The following GRIA1 variants were observed in gnomAD, a reference collection of about 807,000 sequenced individuals.
GRIA1 encodes glutamate receptor 1.
In GRIA1, 31 loss-of-function variants were observed where a neutral mutation model predicts 99.2. The ratio of observed to expected loss-of-function variants is 0.31; its 90% CI spans 0.23 to 0.42. The LOEUF is 0.42. GRIA1 is among the 10% of genes least tolerant of loss of function. The pLI is 1.00. For missense variants in GRIA1, 782 were observed against 1,157.5 expected, an observed-to-expected ratio of 0.68 and a Z score of 4.71; for synonymous variants, 438 against 432.4, an observed-to-expected ratio of 1.01 and a Z score of -0.16.
At chr5:153,691,831 G>T (rs1250102117) in intron 8 of GRIA1, among the ~76,000 whole-genome samples, 14 of 152,022 alleles carry the variant, frequency 9.2e-5, no homozygotes. Flanking sequence ...CTATGTTCTT[G>T]CCCCTCTACA....
intron 11 of GRIA1, among the ~76,000 whole-genome samples, chr5:153,726,163 G>C (rs1380584780): frequency 6.6e-6 from 1 of 151,724 alleles, no homozygotes; most frequent in African/African-American, 2.4e-5. Context: ...CAAAATGAAG[G>C]CAGAAATAAA....
At chr5:153,497,243 G>C (rs1443525228) in intron 2 of GRIA1, among the ~76,000 whole-genome samples, 1 of 152,164 alleles carries the variant, frequency 6.6e-6, no homozygotes, top group Non-Finnish European at 1.5e-5. Context: ...TACAGGGGTA[G>C]AGTTTGGGGA....
intron 2 of GRIA1, among the ~76,000 whole-genome samples, chr5:153,531,924 T>C (rs1758130143): frequency 6.6e-6 from 1 of 152,088 alleles, no homozygotes; most frequent in South Asian, 2.1e-4. Context: ...TGGGGTCAGG[T>C]AGTGAGTAAG....
intron 14 of GRIA1, among the ~76,000 whole-genome samples, chr5:153,799,452 G>A (rs918188196): frequency 6.6e-6 from 1 of 152,202 alleles, no homozygotes; most frequent in Non-Finnish European, 1.5e-5. Context: ...AAAAGCTAAT[G>A]ACACGCTTAA....
chr5:153,753,699 G>GGAA (rs1554123789), intron 11 of GRIA1, among the ~76,000 whole-genome samples: 1 of 145,316 alleles, frequency 6.9e-6, no homozygotes. Context: ...AATTCTGCAG[G>GGAA]AAAAAAAAAA....
chr5:153,702,742 T>C (rs1758616780), intron 10 of GRIA1, among the ~76,000 whole-genome samples: 1 of 152,200 alleles, frequency 6.6e-6, no homozygotes, highest in African/African-American at 2.4e-5. Context: ...GCCCTCCTGG[T>C]GATTCTGCTG....
chr5:153,557,419 C>T (rs1760746399), intron 2 of GRIA1, among the ~76,000 whole-genome samples: 1 of 152,102 alleles, frequency 6.6e-6, no homozygotes, highest in Admixed American at 6.6e-5. Flanking sequence ...CACCTGCCCC[C>T]ATGTCTGGCT....
chr5:153,639,557 C>T (rs995069604), intron 2 of GRIA1, among the ~76,000 whole-genome samples: 2 of 152,190 alleles, frequency 1.3e-5, no homozygotes, highest in Non-Finnish European at 2.9e-5. Context: ...GAGAGGTCTC[C>T]CTGACCATCC....
intron 2 of GRIA1, among the ~76,000 whole-genome samples, chr5:153,504,779 G>C (rs1755336116): frequency 6.6e-6 from 1 of 152,126 alleles, no homozygotes; most frequent in Admixed American, 6.6e-5. Flanking sequence ...GTCTCTCCAG[G>C]CCACTCTGAT....
At chr5:153,663,431 A>G (rs754043872) in intron 5 of GRIA1, among the ~76,000 whole-genome samples, 13 of 152,228 alleles carry the variant, frequency 8.5e-5, no homozygotes, top group Non-Finnish European at 1.9e-4. Flanking sequence ...TTTCTTCCTT[A>G]AACTGCCTGG....
At chr5:153,727,550 A>T (rs1187002633) in intron 11 of GRIA1, among the ~76,000 whole-genome samples, 2 of 152,364 alleles carry the variant, frequency 1.3e-5, no homozygotes, top group Admixed American at 6.5e-5. Context: ...TCAGGATACA[A>T]AATCAATGTA....
intron 11 of GRIA1, among the ~76,000 whole-genome samples, chr5:153,741,070 A>G (rs569909340): frequency 1.5e-5 from 2 of 136,644 alleles, no homozygotes; most frequent in Admixed American, 8.7e-5. Flanking sequence ...TCTGCCTCCT[A>G]GGTTCACGCC....
chr5:153,779,389 G>A (rs1285572247), intron 13 of GRIA1, among the ~76,000 whole-genome samples: 3 of 152,158 alleles, frequency 2.0e-5, no homozygotes, highest in African/African-American at 2.4e-5. Context: ...TCCTCAAAAC[G>A]TCCAGGGAAA....
intron 11 of GRIA1, among the ~76,000 whole-genome samples, chr5:153,738,876 C>A (rs1359129867): frequency 6.6e-6 from 1 of 151,862 alleles, no homozygotes; most frequent in Non-Finnish European, 1.5e-5. Context: ...GCATGCACCA[C>A]CACGTCCGGC....
chr5:153,564,760 G>A (rs570859072), intron 2 of GRIA1, among the ~76,000 whole-genome samples: 82 of 152,298 alleles, frequency 5.4e-4, no homozygotes, highest in African/African-American at 1.9e-3. Context: ...GAGAGAGAGA[G>A]TAAAGAATTC....
chr5:153,505,332 C>T (rs1156473989), intron 2 of GRIA1, among the ~76,000 whole-genome samples: 1 of 131,716 alleles, frequency 7.6e-6, no homozygotes, highest in Non-Finnish European at 1.6e-5. Flanking sequence ...GCAATTATTT[C>T]TCTCTCCCTC....
chr5:153,536,159 TG>T (rs1344303326), intron 2 of GRIA1, among the ~76,000 whole-genome samples: 1 of 152,200 alleles, frequency 6.6e-6, no homozygotes, highest in African/African-American at 2.4e-5. Flanking sequence ...CACAAATTCT[TG>T]TCTGTGTTCT....
At position 153,700,876 on chromosome 5, in the gene GRIA1, G is replaced by T. The variant is rs190756048; in HGVS notation, c.1452+1803G>T. On this transcript the variant is annotated intron_variant, in intron 10 of 15. Transcript: ENST00000285900. ...AATAAAGGAAATCTTCCTCAGGGAG[G>T]TAGCTTTTGAGATGACATGTGAAGG... is the stretch of plus-strand genomic sequence containing the variant. Among the ~76,000 whole-genome samples, 10 of 152,330 alleles carry T rather than the reference G, an allele frequency of 6.6e-5. No individual in the cohort carries two copies. The East Asian group carries it at 1.5e-3, about 24-fold the overall frequency.
At chr5:153,730,258 C>CA (rs1346771967) in intron 11 of GRIA1, among the ~76,000 whole-genome samples, 1 of 151,978 alleles carries the variant, frequency 6.6e-6, no homozygotes, top group Non-Finnish European at 1.5e-5. Context: ...TTTCAAATAA[C>CA]AAATAACAAA....
Sources: gnomAD v4.1 joint callset for allele counts (sites outside exome capture counted in the v4.1 genomes callset) on GRCh38, gnomAD v4.1.1 for gene constraint, MANE v1.5 for transcripts, NCBI Gene and HGNC (gene_info 2026-07-23, HGNC 2026-07-21) for gene names.